TMEM132D: variants seen among roughly 807,000 people sequenced by gnomAD.
TMEM132D encodes mature OL transmembrane protein.
In TMEM132D, 21 loss-of-function variants were observed where a neutral mutation model predicts 62.3. The ratio of observed to expected loss-of-function variants is 0.34; its 90% CI spans 0.24 to 0.49. The LOEUF is 0.49. Among genes scored for constraint, TMEM132D ranks in the 20% least tolerant of loss-of-function variants. The pLI, the probability that TMEM132D is intolerant of heterozygous loss-of-function variation, is 0.99. For synonymous variants in TMEM132D, 621 were observed against 575.6 expected, an observed-to-expected ratio of 1.08 and a Z score of -1.13; for missense variants, 1,346 against 1,402.8, an observed-to-expected ratio of 0.96 and a Z score of 0.65.
chr12:129,196,994 G>A (rs140923268), intron 5 of TMEM132D, among the ~76,000 whole-genome samples: 45 of 152,206 alleles, frequency 3.0e-4, no homozygotes, highest in African/African-American at 1.1e-3. Flanking sequence ...TGAAGAAAAG[G>A]CCCAGTAGAG....
intron 1 of TMEM132D, among the ~76,000 whole-genome samples, chr12:129,771,374 T>A (rs968726457): frequency 2.0e-5 from 3 of 152,194 alleles, no homozygotes; most frequent in African/African-American, 7.2e-5. Flanking sequence ...TCTGTGATGA[T>A]TCCAGGAGAT....
intron 1 of TMEM132D, among the ~76,000 whole-genome samples, chr12:129,730,965 C>G (rs187625046): frequency 1.3e-5 from 2 of 151,990 alleles, no homozygotes; most frequent in African/African-American, 4.8e-5. Flanking sequence ...AGATAGCCTA[C>G]GTGGGACCTC....
intron 4 of TMEM132D, among the ~76,000 whole-genome samples, 181 bp downstream of exon 4, chr12:129,337,453 A>ACACACACACACACACACATAACG (rs1869327357): frequency 1.3e-5 from 2 of 151,120 alleles, no homozygotes; most frequent in Non-Finnish European, 3.0e-5. Context: ...ACACACACAC[A>ACACACACACACACACACATAACG]CACACACACA....
At chr12:129,394,002 A>G (rs116834034) in intron 3 of TMEM132D, among the ~76,000 whole-genome samples, 217 of 152,332 alleles carry the variant, frequency 1.4e-3, no homozygotes, top group African/African-American at 5.1e-3. Context: ...TTTAAAATTA[A>G]TATTTAAAAA....
chr12:129,315,522 GAT>G (rs1217500312), intron 4 of TMEM132D, among the ~76,000 whole-genome samples: 2 of 152,056 alleles, frequency 1.3e-5, no homozygotes, highest in Admixed American at 6.5e-5. Context: ...TTATCTTTTC[GAT>G]ATGTTTTTGG....
At chr12:129,406,831 T>C (rs1871805621) in intron 3 of TMEM132D, among the ~76,000 whole-genome samples, 1 of 152,198 alleles carries the variant, frequency 6.6e-6, no homozygotes, top group Non-Finnish European at 1.5e-5. Context: ...GGCTATCCTA[T>C]AGCCTGTACG....
At chr12:129,658,749 C>T (rs1880161956) in intron 2 of TMEM132D, among the ~76,000 whole-genome samples, 2 of 152,192 alleles carry the variant, frequency 1.3e-5, no homozygotes, top group South Asian at 4.1e-4. Context: ...ACGCATTCAA[C>T]TATTAATTCA....
chr12:129,412,910 G>A (rs1409310689), intron 3 of TMEM132D, among the ~76,000 whole-genome samples: 1 of 152,112 alleles, frequency 6.6e-6, no homozygotes, highest in Non-Finnish European at 1.5e-5. Context: ...ATGGAAGAAT[G>A]GAAAGGCAGA....
chr12:129,634,052 A>G (rs1879416496), intron 2 of TMEM132D, among the ~76,000 whole-genome samples: 1 of 152,114 alleles, frequency 6.6e-6, no homozygotes, highest in South Asian at 2.1e-4. Context: ...AACCCAGCAT[A>G]TTAATTCTTT....
chr12:129,212,780 A>T (rs994892600), intron 4 of TMEM132D: 1 of 152,230 alleles, frequency 6.6e-6, no homozygotes, highest in Admixed American at 6.5e-5. Context: ...ACAGAACTTT[A>T]GGCACTCCAG....
At chr12:129,226,847 A>C (rs1879492754) in intron 4 of TMEM132D, among the ~76,000 whole-genome samples, 1 of 151,578 alleles carries the variant, frequency 6.6e-6, no homozygotes. Flanking sequence ...TTTTCCCAGG[A>C]CCCCCGATTC....
At chr12:129,558,747 G>A (rs1376698860) in intron 2 of TMEM132D, among the ~76,000 whole-genome samples, 1 of 152,168 alleles carries the variant, frequency 6.6e-6, no homozygotes, top group African/African-American at 2.4e-5. Context: ...TCTCCCCTAA[G>A]GAGACGGGTC....
At chr12:129,278,118 A>C (rs1298906261) in intron 4 of TMEM132D, among the ~76,000 whole-genome samples, 3 of 152,172 alleles carry the variant, frequency 2.0e-5, no homozygotes, top group Non-Finnish European at 2.9e-5. Flanking sequence ...CCTTTACATA[A>C]GCCCCAAGCT....
intron 2 of TMEM132D, among the ~76,000 whole-genome samples, chr12:129,665,846 T>C (rs1880363944): frequency 1.3e-5 from 2 of 152,350 alleles, no homozygotes; most frequent in Middle Eastern, 6.8e-3. Context: ...ATGATCTGTT[T>C]TAGCTATTTT....
At chr12:129,287,645 A>C (rs545005477) in intron 4 of TMEM132D, among the ~76,000 whole-genome samples, 2 of 152,176 alleles carry the variant, frequency 1.3e-5, no homozygotes, top group Admixed American at 6.5e-5. Flanking sequence ...AAATGCTCCA[A>C]GTTAACCTCA....
At chr12:129,189,892 G>A (rs2135555545) in intron 5 of TMEM132D, among the ~76,000 whole-genome samples, 1 of 152,280 alleles carries the variant, frequency 6.6e-6, no homozygotes, top group African/African-American at 2.4e-5. Flanking sequence ...GCTAACAGCT[G>A]ATGTTGAGAT....
chr12:129,455,721 G>A (rs1873444458), intron 3 of TMEM132D, among the ~76,000 whole-genome samples: 1 of 152,192 alleles, frequency 6.6e-6, no homozygotes, highest in Admixed American at 6.5e-5. Flanking sequence ...TGTCTTGGAA[G>A]AAGGTCAATG....
At chr12:129,694,370 T>C (rs760575085) in intron 2 of TMEM132D, among the ~76,000 whole-genome samples, 2 of 152,130 alleles carry the variant, frequency 1.3e-5, no homozygotes, top group African/African-American at 2.4e-5. Context: ...CTCAAAATGG[T>C]CAAAGCCACC....
chr12:129,105,846 G>C (rs1875481233), intron 5 of TMEM132D, among the ~76,000 whole-genome samples: 1 of 151,072 alleles, frequency 6.6e-6, no homozygotes, highest in African/African-American at 2.5e-5. Flanking sequence ...AACCATTGTG[G>C]AAGTCAGTGT....
Sources: allele counts gnomAD v4.1 joint callset (sites outside exome capture counted in the v4.1 genomes callset), GRCh38; gene constraint gnomAD v4.1.1; transcripts MANE v1.5; gene names NCBI Gene and HGNC (gene_info 2026-07-23, HGNC 2026-07-21).